The following AHCY variants were observed in gnomAD, a reference collection of about 807,000 sequenced individuals.
AHCY encodes the protein S-adenosyl-L-homocysteine hydrolase.
AHCY carries 24 observed loss-of-function variants against 45.4 expected under a neutral mutation model. The observed-to-expected ratio is 0.53, with a 90% CI of 0.38 to 0.74. The LOEUF is 0.74. Among genes scored for constraint, AHCY ranks in the 30% least tolerant of loss-of-function variants. AHCY has a pLI of 0.00. For synonymous variants in AHCY, 245 were observed against 235.1 expected, an observed-to-expected ratio of 1.04 and a Z score of -0.39; for missense variants, 449 against 594.1, an observed-to-expected ratio of 0.76 and a Z score of 2.54.
the AHCY span, among the ~76,000 whole-genome samples, chr20:34,259,268 G>A: frequency 1.3e-4 from 20 of 151,564 alleles, no homozygotes; most frequent in Middle Eastern, 3.4e-3. Flanking sequence ...TATAGGCCAG[G>A]TGCAGTGGCA....
the AHCY span, among the ~76,000 whole-genome samples, chr20:34,251,808 C>A: frequency 2.0e-5 from 3 of 152,068 alleles, no homozygotes; most frequent in Non-Finnish European, 4.4e-5. Context: ...AAGGGAAAGC[C>A]CTTCCACCTT....
chr20:34,277,634 A>G (rs1306472021), downstream of AHCY, among the ~76,000 whole-genome samples: 2 of 151,730 alleles, frequency 1.3e-5, no homozygotes, highest in Non-Finnish European at 2.9e-5. Flanking sequence ...GGGCGCCTGT[A>G]GTCCCAGCTA....
intron 8 of AHCY, among the ~76,000 whole-genome samples, chr20:34,286,834 CAAAAAAAAAA>C (rs71194603): frequency 3.7e-5 from 2 of 53,732 alleles, no homozygotes; most frequent in Non-Finnish European, 7.1e-5. Flanking sequence ...AACTCCGTCT[CAAAAAAAAAA>C]AAAAAAAAAA....
At chr20:34,304,572 T>G (rs2036871731), upstream of AHCY, among the ~76,000 whole-genome samples, 1 of 151,732 alleles carries the variant, frequency 6.6e-6, no homozygotes, top group Admixed American at 6.6e-5. Context: ...CACACTGGAG[T>G]GCAGTGGCAC....
At position 34,290,287 on chromosome 20, in the gene AHCY, G is replaced by A. The variant is rs755890367; in HGVS notation, c.972+45C>T. Reference sequence around the variant, plus strand: ...CCTCCCTGGCAGCCAGCACTCCTCTGCACTCCCATCTGCCCAGCCCACTGG... The same window carrying A: ...CCTCCCTGGCAGCCAGCACTCCTCTACACTCCCATCTGCCCAGCCCACTGG... On this transcript the variant is annotated intron_variant, in intron 8 of 9. Transcript: ENST00000217426. This position sits in a 1 kb window ranked among gnomAD's most constrained non-coding sequence, Gnocchi z 4.5. 2 of 1,576,452 alleles carry A rather than the reference G, an allele frequency of 1.3e-6. No homozygotes were observed. The highest frequency in any genetic ancestry group is 4.5e-5 in the East Asian group (2 of 44,702).
intron 3 of AHCY, among the ~76,000 whole-genome samples, chr20:34,293,020 A>G (rs2036451371): frequency 6.6e-6 from 1 of 151,362 alleles, no homozygotes; most frequent in South Asian, 2.1e-4. Flanking sequence ...TGTGTGGGGG[A>G]ATCTCAGGCA....
chr20:34,235,847 A>G, the AHCY span, among the ~76,000 whole-genome samples: 1 of 46,372 alleles, frequency 2.2e-5, no homozygotes, highest in Non-Finnish European at 3.3e-5. Flanking sequence ...GAAAGAAGGA[A>G]GGAAGGAAGG....
chr20:34,250,468 G>A, the AHCY span, among the ~76,000 whole-genome samples: 1 of 152,182 alleles, frequency 6.6e-6, no homozygotes, highest in Non-Finnish European at 1.5e-5. Flanking sequence ...AGGAGTTTCA[G>A]GCCAGCCTGG....
At chr20:34,233,538 A>G in the AHCY span, among the ~76,000 whole-genome samples, 1 of 152,218 alleles carries the variant, frequency 6.6e-6, no homozygotes, top group African/African-American at 2.4e-5. Context: ...CTCTGTGAAT[A>G]AACTAAAAAC....
At chr20:34,249,705 G>A in the AHCY span, among the ~76,000 whole-genome samples, 1 of 152,082 alleles carries the variant, frequency 6.6e-6, no homozygotes, top group Non-Finnish European at 1.5e-5. Context: ...TCCTCCTTTT[G>A]TTAGTTACTT....
chr20:34,251,525 C>T, the AHCY span, among the ~76,000 whole-genome samples: 3 of 152,240 alleles, frequency 2.0e-5, no homozygotes, highest in African/African-American at 7.2e-5. Flanking sequence ...CCGTCCGCCT[C>T]GGCCTCCCAA....
At chr20:34,303,057 C>T (rs960626792) in intron 1 of AHCY, 186 bp downstream of exon 1, 2 of 985,328 alleles carry the variant, frequency 2.0e-6, no homozygotes, top group African/African-American at 3.5e-5. Flanking sequence ...CACGGCCACC[C>T]GGAACGGCCC....
At chr20:34,301,927 G>A (rs1009294423) in intron 1 of AHCY, 8 of 985,284 alleles carry the variant, frequency 8.1e-6, no homozygotes, top group African/African-American at 1.7e-5. Context: ...GTAAACACAC[G>A]TAAATCACCA....
chr20:34,274,956 A>G, the AHCY span, among the ~76,000 whole-genome samples: 1 of 151,978 alleles, frequency 6.6e-6, no homozygotes, highest in East Asian at 1.9e-4. Context: ...TGTCTCTTTA[A>G]AAGAGTCAGG....
chr20:34,303,296 G>A lies in AHCY; in HGVS notation c.-26C>T. 4 of 1,551,746 alleles carry A rather than the reference G, an allele frequency of 2.6e-6. No individual in the cohort carries two copies. The highest frequency in any genetic ancestry group is 3.5e-6 in the Non-Finnish European group (4 of 1,146,978). Reference sequence around the variant, plus strand: ...GCTGGCGGCACTCGTGATGGAAACGGGCGAAGGGGGCTGGGCCTCAGTCTG... The same window carrying A: ...GCTGGCGGCACTCGTGATGGAAACGAGCGAAGGGGGCTGGGCCTCAGTCTG... On this transcript the variant is annotated 5_prime_UTR_variant, in exon 1 of 10. Transcript: ENST00000217426.
chr20:34,291,992 G>C (rs1301348303), intron 4 of AHCY, among the ~76,000 whole-genome samples: 1 of 152,232 alleles, frequency 6.6e-6, no homozygotes, highest in Admixed American at 6.5e-5. Context: ...CATACCCGCA[G>C]TGAAGGCTCC....
chr20:34,238,180 C>G, the AHCY span, among the ~76,000 whole-genome samples: 1 of 152,102 alleles, frequency 6.6e-6, no homozygotes, highest in Non-Finnish European at 1.5e-5. Context: ...TGTTTATATT[C>G]ATATCTTTAA....
chr20:34,260,309 G>A, the AHCY span: 1 of 1,513,582 alleles, frequency 6.6e-7, no homozygotes, highest in Non-Finnish European at 8.9e-7. Flanking sequence ...AAGCAGGAAG[G>A]CCTCTTACCA....
chr20:34,237,513 C>A, the AHCY span, among the ~76,000 whole-genome samples: 1 of 152,140 alleles, frequency 6.6e-6, no homozygotes, highest in South Asian at 2.1e-4. Context: ...TATCCTGCTA[C>A]TTTGCTAAAC....
Sources: allele counts gnomAD v4.1 joint callset (sites outside exome capture counted in the v4.1 genomes callset), GRCh38; gene constraint gnomAD v4.1.1; non-coding constraint Gnocchi (gnomAD v3.1); transcripts MANE v1.5; gene names NCBI Gene and HGNC (gene_info 2026-07-23, HGNC 2026-07-21).